The following BCL2 variants were observed in gnomAD, a reference collection of about 807,000 sequenced individuals.
BCL2 encodes apoptosis regulator Bcl-2.
BCL2 carries 1 observed loss-of-function variant against 14.2 expected under a neutral mutation model. The observed-to-expected ratio is 0.07, with a 90% CI of 0.02 to 0.33. BCL2 has a LOEUF of 0.33. Ranked by LOEUF, BCL2 falls within the 10% of genes least tolerant of loss-of-function variation. The pLI is 0.99. For missense variants in BCL2, 247 were observed against 305.9 expected (o/e 0.81, Z 1.44); for synonymous variants, 151 against 137.2 (o/e 1.10, Z -0.70).
intron 1 of BCL2, 81 bp from the exon 2 acceptor site, chr18:63,319,033 T>A: frequency 8.9e-7 from 1 of 1,127,966 alleles, no homozygotes; most frequent in Non-Finnish European, 1.1e-6. Flanking sequence ...AAGCAGGGCA[T>A]ACACACTACA....
intron 2 of BCL2, among the ~76,000 whole-genome samples, chr18:63,290,063 C>T (rs1019585991): frequency 1.3e-5 from 2 of 152,082 alleles, no homozygotes; most frequent in Admixed American, 6.6e-5. Flanking sequence ...GGATGCTGGG[C>T]TCAAAAACCT....
At chr18:63,156,851 G>A (rs867146351) in intron 2 of BCL2, among the ~76,000 whole-genome samples, 16 of 152,284 alleles carry the variant, frequency 1.1e-4, no homozygotes, top group South Asian at 6.2e-4. Context: ...AGGTAGAAAC[G>A]CTTGCCCAGG....
intron 2 of BCL2, among the ~76,000 whole-genome samples, chr18:63,148,909 CTAGT>C (rs1413681790): frequency 2.6e-5 from 4 of 152,040 alleles, no homozygotes; most frequent in African/African-American, 9.7e-5. Flanking sequence ...CCAAGGACAC[CTAGT>C]TAATCAATTA....
intron 2 of BCL2, among the ~76,000 whole-genome samples, chr18:63,189,052 T>A: frequency 6.7e-6 from 1 of 148,160 alleles, no homozygotes; most frequent in African/African-American, 2.5e-5. Flanking sequence ...GTAATAGACA[T>A]CCTTACACAT....
chr18:63,254,411 C>G (rs1302556764), intron 2 of BCL2, among the ~76,000 whole-genome samples: 16 of 16,380 alleles, frequency 9.8e-4, no homozygotes, highest in Non-Finnish European at 1.9e-3. Context: ...AAAAAAAAAG[C>G]TGGGTGTGGT....
At chr18:63,308,427 A>G (rs1244357242) in intron 2 of BCL2, among the ~76,000 whole-genome samples, 1 of 152,246 alleles carries the variant, frequency 6.6e-6, no homozygotes, top group Non-Finnish European at 1.5e-5. Flanking sequence ...GAATAATCTC[A>G]GCCTTCAAAA....
chr18:63,180,489 G>A (rs981888204), intron 2 of BCL2, among the ~76,000 whole-genome samples: 16 of 152,250 alleles, frequency 1.1e-4, no homozygotes, highest in Admixed American at 6.5e-5. Context: ...GAGAGAAGGT[G>A]GAGGCAGAAG....
chr18:63,159,461 A>G (rs1028503607), intron 2 of BCL2, among the ~76,000 whole-genome samples: 13 of 152,266 alleles, frequency 8.5e-5, no homozygotes, highest in African/African-American at 3.1e-4. Context: ...TTCTTTTAGA[A>G]GCAGAGATAA....
At chr18:63,205,181 T>C in intron 2 of BCL2, among the ~76,000 whole-genome samples, 1 of 152,224 alleles carries the variant, frequency 6.6e-6, no homozygotes, top group South Asian at 2.1e-4. Context: ...AAACTGACGA[T>C]TATAATTCTG....
chr18:63,221,932 C>T lies in BCL2; in HGVS notation c.586-93173G>A, dbSNP rs142913585. ...AAAGTCCTTAGATCTCCAGAAAAGA[C>T]AAACATATGTCCACTATGTAGAAAC... On this transcript the variant is annotated intron_variant, in intron 2 of 2. Transcript: ENST00000333681. Among the ~76,000 whole-genome samples, 70 of 152,250 alleles carry T rather than the reference C, an allele frequency of 4.6e-4. 1 individual carries two copies. The highest frequency in any genetic ancestry group is 1.5e-3 in the African/African-American group (61 of 41,550).
At chr18:63,283,503 C>T (rs1219979507) in intron 2 of BCL2, among the ~76,000 whole-genome samples, 2 of 152,068 alleles carry the variant, frequency 1.3e-5, no homozygotes, top group South Asian at 2.1e-4. Context: ...TTATTCTTAG[C>T]CTAAAGATGT....
At chr18:63,304,273 T>C (rs780153091) in intron 2 of BCL2, among the ~76,000 whole-genome samples, 29 of 152,230 alleles carry the variant, frequency 1.9e-4, no homozygotes, top group Non-Finnish European at 1.3e-4. Flanking sequence ...CCTAGAACAA[T>C]GATTGGCCCA....
At chr18:63,189,222 C>T (rs1915663994) in intron 2 of BCL2, among the ~76,000 whole-genome samples, 1 of 151,524 alleles carries the variant, frequency 6.6e-6, no homozygotes, top group Admixed American at 6.6e-5. Flanking sequence ...GAAAAACAAC[C>T]TAGGCTTTTT....
chr18:63,213,135 A>T (rs1410214332), intron 2 of BCL2, among the ~76,000 whole-genome samples: 1 of 151,968 alleles, frequency 6.6e-6, no homozygotes, highest in Non-Finnish European at 1.5e-5. Flanking sequence ...TGCTCCCATA[A>T]CCTCCCCTAC....
chr18:63,212,143 T>C (rs956765830), intron 2 of BCL2, among the ~76,000 whole-genome samples: 4 of 151,456 alleles, frequency 2.6e-5, no homozygotes, highest in Non-Finnish European at 5.9e-5. Flanking sequence ...CTGGCCAACA[T>C]GGTGAAACCC....
chr18:63,167,724 A>C (rs772395591), intron 2 of BCL2, among the ~76,000 whole-genome samples: 12 of 152,156 alleles, frequency 7.9e-5, no homozygotes, highest in Non-Finnish European at 1.5e-4. Flanking sequence ...TCAAGAGATC[A>C]AGACTATCCT....
In BCL2 at chr18:63,191,182, T is replaced by C. The variant is rs192265123; in HGVS notation, c.586-62423A>G. ...AAACATACATGTGCATGTATCTTTA[T>C]AACAGAATGATTTATATTCCTTTGG... On this transcript the variant is annotated intron_variant, in intron 2 of 2. Transcript: ENST00000333681. 2.0e-3 allele frequency among the ~76,000 whole-genome samples: 312 copies of C among 152,362 alleles called. 2 individuals are homozygous for C. Among genetic ancestry groups the C allele is most frequent in the African/African-American group, 7.2e-3 (299 of 41,588 alleles).
chr18:63,286,555 T>A (rs1310795996), intron 2 of BCL2, among the ~76,000 whole-genome samples: 2 of 151,540 alleles, frequency 1.3e-5, no homozygotes, highest in Non-Finnish European at 2.9e-5. Flanking sequence ...TAATGGGAGG[T>A]AGACTGGAAA....
rs1357402181 is a variant in BCL2, at chr18:63,169,272, C to CTTTCTTTCTT, written c.586-40523_586-40514dup. Among the ~76,000 whole-genome samples the CTTTCTTTCTT allele has an allele frequency of 6.8e-5, 4 of 59,008 alleles. 1 individual carries two copies. The highest frequency in any genetic ancestry group is 4.9e-4 in the African/African-American group (4 of 8,112). The allele number at this position is 59,008 out of a possible 152,430, so 38.7% of individuals were successfully genotyped here. ...TTTTTCTTTCTTTCTTTCTTTCTTT[C>CTTTCTTTCTT]TTTCTTTCTTTCTTTCTTTCTTTCT... is the stretch of plus-strand genomic sequence containing the variant. On this transcript the variant is annotated intron_variant, in intron 2 of 2. Transcript: ENST00000333681.
Sources: allele counts gnomAD v4.1 joint callset (sites outside exome capture counted in the v4.1 genomes callset), GRCh38; gene constraint gnomAD v4.1.1; transcripts MANE v1.5; gene names NCBI Gene and HGNC (gene_info 2026-07-23, HGNC 2026-07-21).